Variants in CSMD1 observed in about 807,000 individuals in gnomAD.
CSMD1 encodes the protein CUB and Sushi multiple domains 1, also known as CUB and sushi domain-containing protein 1.
Under a neutral mutation model 417.5 loss-of-function variants are expected in CSMD1, and 213 were observed. The ratio of observed to expected loss-of-function variants is 0.51; its 90% CI spans 0.46 to 0.57. The LOEUF is 0.57. Ranked by LOEUF, CSMD1 falls within the 20% of genes least tolerant of loss-of-function variation. The probability of loss-of-function intolerance (pLI) is 0.00; values close to 1 mark genes in which losing one functional copy is unlikely to be tolerated. For synonymous variants in CSMD1, 2,862 were observed against 1,736.8 expected, an observed-to-expected ratio of 1.65 and a Z score of -16.11; for missense variants, 6,923 against 4,529.7, an observed-to-expected ratio of 1.53 and a Z score of -15.17.
intron 26 of CSMD1, among the ~76,000 whole-genome samples, chr8:3,268,149 C>CTGAA (rs958111054): frequency 1.6e-4 from 25 of 152,016 alleles, no homozygotes; most frequent in African/African-American, 4.1e-4. Context: ...GAACTGATAT[C>CTGAA]TGAATGAATG....
chr8:4,161,466 A>C (rs1481581800), intron 3 of CSMD1, among the ~76,000 whole-genome samples: 1 of 152,200 alleles, frequency 6.6e-6, no homozygotes, highest in Non-Finnish European at 1.5e-5. Context: ...TGAATGGCTT[A>C]CTCAAGGTCA....
intron 3 of CSMD1, among the ~76,000 whole-genome samples, chr8:4,349,792 A>G (rs1800981362): frequency 6.6e-6 from 1 of 151,000 alleles, no homozygotes; most frequent in South Asian, 2.1e-4. Context: ...ATTTGTCTCA[A>G]TTGCTTAAAA....
intron 1 of CSMD1, among the ~76,000 whole-genome samples, chr8:4,642,452 G>A (rs1398211506): frequency 6.6e-6 from 1 of 152,120 alleles, no homozygotes; most frequent in Admixed American, 6.5e-5. Context: ...GTATAGCAGT[G>A]GCACATACTT....
chr8:4,186,322 C>T (rs17069262), intron 3 of CSMD1, among the ~76,000 whole-genome samples: 2 of 152,120 alleles, frequency 1.3e-5, no homozygotes, highest in South Asian at 2.1e-4. Context: ...AGCTTTCCAA[C>T]TGGGACTCCT....
chr8:4,681,550 G>A (rs902185849), intron 1 of CSMD1, among the ~76,000 whole-genome samples: 1 of 152,142 alleles, frequency 6.6e-6, no homozygotes, highest in Non-Finnish European at 1.5e-5. Context: ...GCCAATGTTA[G>A]TTGTGCTTTC....
intron 1 of CSMD1, among the ~76,000 whole-genome samples, chr8:4,710,904 C>A (rs989618217): frequency 1.3e-5 from 2 of 151,674 alleles, no homozygotes; most frequent in Non-Finnish European, 2.9e-5. Context: ...ACTTACATAA[C>A]TAGAAAATGG....
rs906437544 is a variant in CSMD1 at position 4,214,235 on chromosome 8, T to G, written c.416-182136A>C. Among the ~76,000 whole-genome samples, 3 of 152,196 alleles carry G rather than the reference T, an allele frequency of 2.0e-5. No homozygotes were observed. The East Asian group carries it at 5.8e-4, about 29-fold the overall frequency. ...TTAAATGAATGGACTAAAATGGAAGTAAGCCTTGAAATGTTTGAGACTTTT... is the reference window on the plus strand; with the variant it reads ...TTAAATGAATGGACTAAAATGGAAGGAAGCCTTGAAATGTTTGAGACTTTT... On this transcript the variant is annotated intron_variant, in intron 3 of 69. Coordinates refer to ENST00000635120, the MANE Select transcript of CSMD1 (RefSeq NM_033225.6).
At chr8:3,967,076 C>T (rs549279494) in intron 5 of CSMD1, among the ~76,000 whole-genome samples, 1 of 152,134 alleles carries the variant, frequency 6.6e-6, no homozygotes, top group African/African-American at 2.4e-5. Flanking sequence ...CATGAGCAAG[C>T]TATTCTAACA....
Position 3,725,406 on chromosome 8 carries a change from A to AT in CSMD1, c.932-16916dup, listed in dbSNP as rs1274718417. ...GGATAGACATCACTTGAACATTTTTATTTTTTAAAAGGAAGCAGAGATTTG... is the reference window on the plus strand; with the variant it reads ...GGATAGACATCACTTGAACATTTTTATTTTTTTAAAAGGAAGCAGAGATTTG... On this transcript the variant is annotated intron_variant, in intron 6 of 69. Transcript: ENST00000635120. 3.9e-4 allele frequency among the ~76,000 whole-genome samples: 59 copies of AT among 152,280 alleles called. 1 individual carries two copies. The highest frequency in any genetic ancestry group is 8.8e-5 in the Non-Finnish European group (6 of 68,014).
intron 8 of CSMD1, among the ~76,000 whole-genome samples, chr8:3,615,694 T>C (rs1584964982): frequency 6.6e-6 from 1 of 152,232 alleles, no homozygotes; most frequent in South Asian, 2.1e-4. Context: ...TCCTCTCTAA[T>C]AGTAGCAGTA....
At chr8:3,734,039 A>C (rs1796401309) in intron 6 of CSMD1, among the ~76,000 whole-genome samples, 1 of 142,954 alleles carries the variant, frequency 7.0e-6, no homozygotes, top group South Asian at 2.3e-4. Flanking sequence ...TAAACTCAGG[A>C]AGAAATGCAA....
chr8:4,841,532 T>C (rs1412538456), intron 1 of CSMD1, among the ~76,000 whole-genome samples: 1 of 152,124 alleles, frequency 6.6e-6, no homozygotes, highest in Admixed American at 6.6e-5. Context: ...AAGTAATGTG[T>C]CATACATAAA....
intron 1 of CSMD1, among the ~76,000 whole-genome samples, chr8:4,759,362 G>A (rs1157897616): frequency 6.6e-6 from 1 of 152,204 alleles, no homozygotes; most frequent in Admixed American, 6.5e-5. Context: ...GCAGTGGACA[G>A]GGCCAGCATG....
intron 7 of CSMD1, among the ~76,000 whole-genome samples, chr8:3,658,384 A>C (rs1053353535): frequency 6.6e-6 from 1 of 151,056 alleles, no homozygotes; most frequent in Non-Finnish European, 1.5e-5. Context: ...TTTTATTTGT[A>C]AATCATCCCA....
chr8:3,030,477 T>G lies in CSMD1; in HGVS notation c.7661-964A>C, dbSNP rs543265553. Among the ~76,000 whole-genome samples, 549 of 152,052 alleles carry G rather than the reference T, an allele frequency of 3.6e-3. 3 individuals carry two copies. The highest frequency in any genetic ancestry group is 0.012 in the African/African-American group (512 of 41,492). The stretch of plus-strand genomic sequence containing the variant: ...TAGTGTTATATTTTAAATTCTTTTT[T>G]TGTGTGTGTGACAAAGTCTCGCTCT... On this transcript the variant is annotated intron_variant, in intron 50 of 69. Coordinates refer to ENST00000635120, the MANE Select transcript of CSMD1 (RefSeq NM_033225.6).
At position 3,323,488 on chromosome 8, in the gene CSMD1, A is replaced by C. The variant is rs965529582; in HGVS notation, c.3632-14985T>G. 7.2e-5 allele frequency among the ~76,000 whole-genome samples: 11 copies of C among 152,224 alleles called. No homozygotes were observed. The South Asian group carries it at 2.1e-3, about 29-fold the overall frequency. The stretch of plus-strand genomic sequence containing the variant: ...TCACATACTCCACACCCATGATCTT[A>C]CTCACACCATTTTTAGAAGGAGTTA... On this transcript the variant is annotated intron_variant, in intron 23 of 69. Coordinates refer to ENST00000635120, the MANE Select transcript of CSMD1 (RefSeq NM_033225.6).
intron 12 of CSMD1, among the ~76,000 whole-genome samples, chr8:3,436,736 T>C (rs1003926423): frequency 6.6e-6 from 1 of 152,132 alleles, no homozygotes; most frequent in Non-Finnish European, 1.5e-5. Context: ...TTTCAACACA[T>C]TGGCAATGAG....
intron 5 of CSMD1, among the ~76,000 whole-genome samples, chr8:3,776,807 G>GAGATATATATATATATATATAT (rs1554432748): frequency 1.4e-5 from 2 of 139,938 alleles, no homozygotes; most frequent in African/African-American, 5.7e-5. Context: ...ATATAGACGA[G>GAGATATATATATATATATATAT]ATATATATAT....
At chr8:4,904,683 T>C (rs1415512508) in intron 1 of CSMD1, among the ~76,000 whole-genome samples, 1 of 152,114 alleles carries the variant, frequency 6.6e-6, no homozygotes, top group Non-Finnish European at 1.5e-5. Flanking sequence ...TGTTAAGTAC[T>C]GGGGAAAACT....
Sources: gnomAD v4.1 joint callset for allele counts (sites outside exome capture counted in the v4.1 genomes callset) on GRCh38, gnomAD v4.1.1 for gene constraint, MANE v1.5 for transcripts, NCBI Gene and HGNC (gene_info 2026-07-23, HGNC 2026-07-21) for gene names.